MEF2C: variants seen among roughly 807,000 people sequenced by gnomAD.
MEF2C encodes myocyte enhancer factor 2C.
In MEF2C, 6 loss-of-function variants were observed where a neutral mutation model predicts 50.5. That is an observed-to-expected ratio of 0.12 (90% CI 0.07 to 0.23). The LOEUF is 0.23. Among genes scored for constraint, MEF2C ranks in the 10% least tolerant of loss-of-function variants. The probability of loss-of-function intolerance (pLI) is 1.00; values close to 1 mark genes in which losing one functional copy is unlikely to be tolerated. For missense variants in MEF2C, 276 were observed against 605.0 expected (o/e 0.46, Z 5.70); for synonymous variants, 183 against 228.0 (o/e 0.80, Z 1.78).
At chr5:88,819,886 A>T (rs1394779384) in intron 2 of MEF2C, among the ~76,000 whole-genome samples, 1 of 151,914 alleles carries the variant, frequency 6.6e-6, no homozygotes, top group East Asian at 1.9e-4. Context: ...GGCTAAAAAT[A>T]TTTGCTATGT....
chr5:88,767,798 G>A (rs946405934), intron 3 of MEF2C, among the ~76,000 whole-genome samples: 24 of 152,160 alleles, frequency 1.6e-4, no homozygotes, highest in Admixed American at 3.3e-4. Context: ...GCCTTTTCAT[G>A]TATTGAACAC....
At chr5:88,829,334 T>A (rs1176511802) in intron 1 of MEF2C, among the ~76,000 whole-genome samples, 2 of 152,020 alleles carry the variant, frequency 1.3e-5, no homozygotes, top group Non-Finnish European at 2.9e-5. Flanking sequence ...CACGCCCTCC[T>A]GATGACATCG....
At chr5:88,874,770 T>C (rs1156717047) in intron 1 of MEF2C, among the ~76,000 whole-genome samples, 1 of 152,026 alleles carries the variant, frequency 6.6e-6, no homozygotes, top group Admixed American at 6.6e-5. Context: ...AGGCAATTAA[T>C]AATTAGTGTA....
At chr5:88,802,436 T>G (rs1246893833) in intron 3 of MEF2C, among the ~76,000 whole-genome samples, 1 of 152,140 alleles carries the variant, frequency 6.6e-6, no homozygotes, top group Non-Finnish European at 1.5e-5. Flanking sequence ...ATATATGAAG[T>G]GGGTTTTTTT....
At chr5:88,860,958 T>A (rs1033847983) in intron 1 of MEF2C, among the ~76,000 whole-genome samples, 4 of 152,218 alleles carry the variant, frequency 2.6e-5, no homozygotes, top group Admixed American at 2.6e-4. Flanking sequence ...TTAGGGAGTC[T>A]ATTTATAAAG....
In MEF2C at chr5:88,720,452, T is replaced by C. The variant is rs1258457567; in HGVS notation, c.*2152A>G. ...ATTTCAGATCAAGTTAAGAAAAATA[T>C]AGCCTAGTTAATAAGGTCTCTTGGC... is the stretch of plus-strand genomic sequence containing the variant. On this transcript the variant is annotated 3_prime_UTR_variant, in exon 11 of 11. Transcript: ENST00000504921. The C allele has an allele frequency of 6.6e-6, 1 of 152,520 alleles. No individual in the cohort carries two copies. Among genetic ancestry groups the C allele is most frequent in the Non-Finnish European group, 1.5e-5 (1 of 67,998 alleles). The allele number at this position is 152,520 out of a possible 1,614,324, so 9.4% of individuals were successfully genotyped here.
chr5:88,804,428 G>A (rs939692714), intron 3 of MEF2C, 170 bp downstream of exon 3: 2 of 600,510 alleles, frequency 3.3e-6, no homozygotes, highest in African/African-American at 1.8e-5. Context: ...CTTTTGAAGG[G>A]GAGAGAAAAG....
intron 6 of MEF2C, chr5:88,734,752 T>A (rs1763425874): frequency 1.1e-5 from 11 of 983,162 alleles, no homozygotes; most frequent in Non-Finnish European, 1.3e-5. Flanking sequence ...ACTAAAAAAA[T>A]TGATTTTAAA....
chr5:88,800,888 G>C (rs1452408273), intron 3 of MEF2C, among the ~76,000 whole-genome samples: 30 of 152,116 alleles, frequency 2.0e-4, no homozygotes, highest in Admixed American at 1.8e-3. Flanking sequence ...TATCTAAACA[G>C]ATATTCAAGC....
At chr5:88,863,346 T>C (rs1356489356) in intron 1 of MEF2C, among the ~76,000 whole-genome samples, 3 of 152,226 alleles carry the variant, frequency 2.0e-5, no homozygotes, top group Non-Finnish European at 4.4e-5. Context: ...TAGTGAAAAG[T>C]TGACTGATGT....
At chr5:88,842,799 AAAT>A (rs1323293421) in intron 1 of MEF2C, among the ~76,000 whole-genome samples, 1 of 152,212 alleles carries the variant, frequency 6.6e-6, no homozygotes, top group Non-Finnish European at 1.5e-5. Context: ...ATGAGAATCT[AAAT>A]AATAATAATC....
intron 6 of MEF2C, among the ~76,000 whole-genome samples, chr5:88,744,739 C>A (rs1311297453): frequency 6.6e-6 from 1 of 152,150 alleles, no homozygotes; most frequent in African/African-American, 2.4e-5. Context: ...ACCAAGAGTA[C>A]AACTCCATCC....
intron 3 of MEF2C, among the ~76,000 whole-genome samples, chr5:88,763,304 A>G (rs143082449): frequency 1.3e-4 from 20 of 152,336 alleles, no homozygotes; most frequent in African/African-American, 4.8e-4. Flanking sequence ...TTTTTCACTC[A>G]TAACAAGTAC....
chr5:88,733,067 A>C, intron 6 of MEF2C: 1 of 985,072 alleles, frequency 1.0e-6, no homozygotes, highest in Non-Finnish European at 1.2e-6. Flanking sequence ...ATAAAGACCA[A>C]TACAAGGCAG....
chr5:88,892,664 A>AT (rs1470857805), intron 1 of MEF2C, among the ~76,000 whole-genome samples: 1 of 151,970 alleles, frequency 6.6e-6, no homozygotes, highest in Non-Finnish European at 1.5e-5. Flanking sequence ...CCTCTAGGAT[A>AT]TTTTTTCTTT....
intron 3 of MEF2C, among the ~76,000 whole-genome samples, chr5:88,793,424 G>C (rs954557995): frequency 5.3e-5 from 8 of 152,128 alleles, no homozygotes; most frequent in African/African-American, 1.9e-4. Flanking sequence ...GGCCTTGTGA[G>C]CCAACTTAAG....
intron 3 of MEF2C, chr5:88,771,381 T>C (rs1782353432): frequency 2.1e-6 from 2 of 947,964 alleles, no homozygotes; most frequent in East Asian, 1.2e-4. Flanking sequence ...CAAACCTTAA[T>C]TGTCCTAGGA....
chr5:88,902,819 T>C (rs1835803510), intron 1 of MEF2C, among the ~76,000 whole-genome samples: 1 of 151,446 alleles, frequency 6.6e-6, no homozygotes, highest in South Asian at 2.1e-4. Context: ...ATTTTATCCA[T>C]AATAATTTAT....
intron 1 of MEF2C, among the ~76,000 whole-genome samples, chr5:88,889,966 A>G (rs1242037032): frequency 6.6e-6 from 1 of 152,126 alleles, no homozygotes; most frequent in Non-Finnish European, 1.5e-5. Context: ...CGCTCCAACC[A>G]TTTTGCAAAC....
Sources: allele counts gnomAD v4.1 joint callset (sites outside exome capture counted in the v4.1 genomes callset), GRCh38; gene constraint gnomAD v4.1.1; transcripts MANE v1.5; gene names NCBI Gene and HGNC (gene_info 2026-07-23, HGNC 2026-07-21).